DCC: variants seen among roughly 807,000 people sequenced by gnomAD.
The protein encoded by DCC is DCC netrin 1 receptor, also known as netrin receptor DCC.
Under a neutral mutation model 172.5 loss-of-function variants are expected in DCC, and 58 were observed. That is an observed-to-expected ratio of 0.34 (90% CI 0.27 to 0.42). The LOEUF is 0.42. Ranked by LOEUF, DCC falls within the 10% of genes least tolerant of loss-of-function variation. The pLI is 1.00. For missense variants in DCC, 1,740 were observed against 1,791.0 expected (o/e 0.97, Z 0.51); for synonymous variants, 709 against 644.5 (o/e 1.10, Z -1.52).
chr18:53,260,915 C>T (rs1020479338), intron 12 of DCC, among the ~76,000 whole-genome samples: 1 of 152,162 alleles, frequency 6.6e-6, no homozygotes, highest in African/African-American at 2.4e-5. Flanking sequence ...GGCACCCCTC[C>T]CCCAGCCTCG....
chr18:53,408,548 T>C (rs187936338), intron 19 of DCC, among the ~76,000 whole-genome samples: 14 of 152,296 alleles, frequency 9.2e-5, no homozygotes, highest in African/African-American at 3.4e-4. Flanking sequence ...GAAATTGATA[T>C]TCCATTGCAT....
chr18:52,472,348 C>G (rs1375098966), intron 1 of DCC, among the ~76,000 whole-genome samples: 1 of 152,120 alleles, frequency 6.6e-6, no homozygotes, highest in Non-Finnish European at 1.5e-5. Flanking sequence ...TTCTTTTATC[C>G]CATCAAAAGC....
chr18:52,560,440 G>T (rs1144078), intron 1 of DCC, among the ~76,000 whole-genome samples: 90,423 of 152,072 alleles, frequency 0.59, 27,896 homozygotes, highest in Middle Eastern at 0.71. Flanking sequence ...ATAGTGTGCT[G>T]CTCTCTGGTT....
At chr18:52,364,089 A>G (rs1984737854) in intron 1 of DCC, among the ~76,000 whole-genome samples, 1 of 152,176 alleles carries the variant, frequency 6.6e-6, no homozygotes, top group African/African-American at 2.4e-5. Flanking sequence ...CGCAGCTCCA[A>G]AAGAAGACAA....
At chr18:52,690,854 G>T (rs1269122958) in intron 1 of DCC, among the ~76,000 whole-genome samples, 2 of 152,074 alleles carry the variant, frequency 1.3e-5, no homozygotes, top group Non-Finnish European at 1.5e-5. Flanking sequence ...TGATGCATTT[G>T]TCACAAAGGC....
Position 53,063,395 on chromosome 18 carries a change from T to G in DCC, c.1076T>G (p.Val359Gly). The change falls in exon 6 of 29, where the codon GTG becomes GGG. Residue 359 changes from valine to glycine, a missense_variant. By Grantham distance (109) the Val-to-Gly change is moderately radical. This residue lies in a region of DCC where 1,732 missense variants were observed against 1,767.4 expected (regional missense o/e 0.98). Coordinates refer to ENST00000442544, the MANE Select transcript of DCC (RefSeq NM_005215.4). ...EFECTVSGKPVPTVNWMKNGD... is the reference protein window; with the variant it reads ...EFECTVSGKPGPTVNWMKNGD... Reference sequence around the variant, plus strand: ...GAATGTACAGTCTCTGGAAAGCCTGTGCCCACTGTGAATTGGATGAAGAAT... The same window carrying G: ...GAATGTACAGTCTCTGGAAAGCCTGGGCCCACTGTGAATTGGATGAAGAAT... The G allele has an allele frequency of 6.2e-7, 1 of 1,612,652 alleles. No individual in the cohort carries two copies. The highest frequency in any genetic ancestry group is 8.5e-7 in the Non-Finnish European group (1 of 1,178,798).
At chr18:52,399,135 A>G (rs1412147570) in intron 1 of DCC, among the ~76,000 whole-genome samples, 1 of 151,998 alleles carries the variant, frequency 6.6e-6, no homozygotes, top group Non-Finnish European at 1.5e-5. Context: ...GACAAAAACA[A>G]GCATCTTTCA....
At chr18:53,387,994 T>C (rs1908285108) in intron 16 of DCC, among the ~76,000 whole-genome samples, 1 of 152,216 alleles carries the variant, frequency 6.6e-6, no homozygotes, top group South Asian at 2.1e-4. Context: ...ATTATCAGCT[T>C]CATTCTTCTT....
intron 5 of DCC, among the ~76,000 whole-genome samples, chr18:53,058,513 A>T (rs1446155644): frequency 6.6e-6 from 1 of 152,160 alleles, no homozygotes; most frequent in African/African-American, 2.4e-5. Flanking sequence ...CAGAGCTGTG[A>T]ATAGTATAAC....
chr18:53,314,510 A>T (rs1367788116), intron 13 of DCC, among the ~76,000 whole-genome samples: 1 of 152,210 alleles, frequency 6.6e-6, no homozygotes, highest in African/African-American at 2.4e-5. Flanking sequence ...AAGGTGAGTT[A>T]TCTCCGTTGC....
At chr18:52,912,433 G>T (rs7233131) in intron 3 of DCC, among the ~76,000 whole-genome samples, 1 of 151,900 alleles carries the variant, frequency 6.6e-6, no homozygotes, top group Non-Finnish European at 1.5e-5. Flanking sequence ...GTATTAATTT[G>T]TCTACTGGTA....
At position 53,136,211 on chromosome 18, in the gene DCC, A is replaced by ATCTATCTATCTATC. The variant is rs138628052; in HGVS notation, c.1262-21144_1262-21143insCTATCTATCTATCT. 8.2e-4 allele frequency among the ~76,000 whole-genome samples: 124 copies of ATCTATCTATCTATC among 150,326 alleles called. 1 individual carries two copies. The South Asian group carries it at 0.011, about 13-fold the overall frequency. ...TGTGATTTTATCTATCTATCTATCT[A>ATCTATCTATCTATC]TATATATATACACACACACACACAT... On this transcript the variant is annotated intron_variant, in intron 7 of 28. Coordinates refer to ENST00000442544, the MANE Select transcript of DCC (RefSeq NM_005215.4).
At chr18:52,770,442 T>C (rs1299535076) in intron 2 of DCC, among the ~76,000 whole-genome samples, 1 of 152,238 alleles carries the variant, frequency 6.6e-6, no homozygotes, top group Non-Finnish European at 1.5e-5. Flanking sequence ...TCAATGTCCT[T>C]CATAACAATT....
chr18:52,815,870 G>A (rs528284254), intron 2 of DCC, among the ~76,000 whole-genome samples: 11 of 152,136 alleles, frequency 7.2e-5, no homozygotes, highest in Non-Finnish European at 1.2e-4. Flanking sequence ...TTTAGCTTTG[G>A]AATTACATGG....
intron 1 of DCC, among the ~76,000 whole-genome samples, chr18:52,536,919 C>CTTT (rs2032306492): frequency 6.0e-5 from 9 of 150,692 alleles, no homozygotes; most frequent in Admixed American, 5.3e-4. Flanking sequence ...TTTCTGAGAA[C>CTTT]CAGTTTAGTT....
At chr18:53,180,079 G>C (rs764024140) in intron 9 of DCC, among the ~76,000 whole-genome samples, 49 of 152,130 alleles carry the variant, frequency 3.2e-4, no homozygotes, top group Non-Finnish European at 6.2e-4. Context: ...GTAGAGATTG[G>C]AAATATTTTA....
chr18:53,229,558 G>T (rs2056090375), intron 12 of DCC, among the ~76,000 whole-genome samples: 1 of 151,998 alleles, frequency 6.6e-6, no homozygotes, highest in Non-Finnish European at 1.5e-5. Context: ...TCTGTTTTCA[G>T]TGACATTATG....
rs1432259989 is a variant in DCC, at chr18:53,082,403, G to T, written c.1261+16237G>T. The stretch of plus-strand genomic sequence containing the variant: ...CTAACACACTAGTTTCTCTTTTAGG[G>T]TAACACTTTTATAATAAAAAATTAT... On this transcript the variant is annotated intron_variant, in intron 7 of 28. Coordinates refer to ENST00000442544, the MANE Select transcript of DCC (RefSeq NM_005215.4). 2.0e-5 allele frequency among the ~76,000 whole-genome samples: 3 copies of T among 151,878 alleles called. No homozygotes were observed. The East Asian group carries it at 5.8e-4, about 29-fold the overall frequency.
chr18:52,771,984 G>T (rs1005304288), intron 2 of DCC, among the ~76,000 whole-genome samples: 5 of 151,610 alleles, frequency 3.3e-5, no homozygotes, highest in Non-Finnish European at 4.4e-5. Context: ...GTTTTAATAT[G>T]TCTATGGTTT....
Sources: allele counts gnomAD v4.1 joint callset (sites outside exome capture counted in the v4.1 genomes callset), GRCh38; gene constraint gnomAD v4.1.1; regional missense constraint gnomAD v4.1.1; transcripts MANE v1.5; gene names NCBI Gene and HGNC (gene_info 2026-07-23, HGNC 2026-07-21).